Variants in SPMIP7 observed in about 807,000 individuals in gnomAD.
SPMIP7 encodes the protein protein SPMIP7.
chr7:50,119,836 C>T, the SPMIP7 span, among the ~76,000 whole-genome samples: 3 of 152,168 alleles, frequency 2.0e-5, no homozygotes, highest in South Asian at 4.1e-4. Flanking sequence ...TGTATGATGT[C>T]GCTGGACTAA....
the SPMIP7 span, among the ~76,000 whole-genome samples, chr7:50,135,599 T>C: frequency 1.3e-5 from 2 of 152,236 alleles, no homozygotes; most frequent in Non-Finnish European, 2.9e-5. Flanking sequence ...AAAGGATCTC[T>C]AAACTACTTT....
At chr7:50,108,871 G>C in the SPMIP7 span, among the ~76,000 whole-genome samples, 1 of 152,146 alleles carries the variant, frequency 6.6e-6, no homozygotes, top group African/African-American at 2.4e-5. Context: ...AGGGGATTGG[G>C]TTGTAAAATG....
At chr7:50,115,029 C>A in the SPMIP7 span, among the ~76,000 whole-genome samples, 3 of 117,842 alleles carry the variant, frequency 2.5e-5, no homozygotes, top group Admixed American at 1.7e-4. Flanking sequence ...GATTCTGTCT[C>A]CAAAAAAAAA....
the SPMIP7 span, among the ~76,000 whole-genome samples, chr7:50,157,049 G>A: frequency 2.0e-5 from 3 of 152,106 alleles, no homozygotes; most frequent in Admixed American, 6.5e-5. Flanking sequence ...CTGGAAGGGG[G>A]ACAAGAGAGA....
the SPMIP7 span, chr7:50,129,939 A>C: frequency 1.7e-6 from 1 of 591,730 alleles, no homozygotes; most frequent in South Asian, 2.3e-5. Context: ...TTGATTGCTA[A>C]AATAAACATT....
the SPMIP7 span, among the ~76,000 whole-genome samples, chr7:50,105,587 A>G: frequency 5.9e-5 from 9 of 152,330 alleles, no homozygotes; most frequent in East Asian, 1.7e-3. Flanking sequence ...AACAAAGGGC[A>G]TGAAACAGAA....
At chr7:50,151,405 C>A in the SPMIP7 span, 3 of 1,367,570 alleles carry the variant, frequency 2.2e-6, no homozygotes, top group Non-Finnish European at 3.0e-6. Flanking sequence ...CACAAATCAT[C>A]ATTTTAATTT....
the SPMIP7 span, among the ~76,000 whole-genome samples, chr7:50,110,272 A>G: frequency 4.4e-4 from 66 of 151,560 alleles, no homozygotes; most frequent in African/African-American, 1.4e-3. Context: ...ATCAATGATA[A>G]TATCTTAAAA....
chr7:50,157,224 A>G, the SPMIP7 span, among the ~76,000 whole-genome samples: 1 of 152,196 alleles, frequency 6.6e-6, no homozygotes, highest in Non-Finnish European at 1.5e-5. Context: ...ATTTGGAGCA[A>G]AGTGCACAGG....
the SPMIP7 span, among the ~76,000 whole-genome samples, chr7:50,098,006 C>T: frequency 3.6e-3 from 553 of 152,146 alleles, 3 homozygotes; most frequent in African/African-American, 0.013. Flanking sequence ...ATAATTTGTC[C>T]TAGGCTTTCA....
At chr7:50,126,175 A>G in the SPMIP7 span, among the ~76,000 whole-genome samples, 1 of 152,032 alleles carries the variant, frequency 6.6e-6, no homozygotes, top group African/African-American at 2.4e-5. Flanking sequence ...AAAGTGATAG[A>G]CCTATTGTTA....
At chr7:50,153,514 A>G in the SPMIP7 span, among the ~76,000 whole-genome samples, 1 of 152,358 alleles carries the variant, frequency 6.6e-6, no homozygotes, top group South Asian at 2.1e-4. Flanking sequence ...TCTCAATGAG[A>G]AATAAACAAT....
chr7:50,137,164 A>G, the SPMIP7 span, among the ~76,000 whole-genome samples: 4 of 152,102 alleles, frequency 2.6e-5, no homozygotes, highest in Admixed American at 2.6e-4. Flanking sequence ...GCAACTTTAT[A>G]TTTTTGTTCA....
chr7:50,149,225 T>C, the SPMIP7 span, among the ~76,000 whole-genome samples: 1 of 152,156 alleles, frequency 6.6e-6, no homozygotes, highest in Non-Finnish European at 1.5e-5. Context: ...GCAGCACCAT[T>C]GGGAACCTCT....
chr7:50,140,210 A>T, the SPMIP7 span: 92 of 1,411,348 alleles, frequency 6.5e-5, no homozygotes, highest in African/African-American at 1.3e-3. Context: ...TCTTGTAAAA[A>T]AATTTTAGAT....
At chr7:50,117,620 T>C in the SPMIP7 span, among the ~76,000 whole-genome samples, 13 of 152,318 alleles carry the variant, frequency 8.5e-5, no homozygotes, top group Non-Finnish European at 1.3e-4. Context: ...TGGCTCCTCA[T>C]GTTCATATGT....
At chr7:50,100,864 G>GT in the SPMIP7 span, among the ~76,000 whole-genome samples, 2 of 78,348 alleles carry the variant, frequency 2.6e-5, no homozygotes, top group Non-Finnish European at 6.2e-5. Flanking sequence ...AAATAAAATC[G>GT]TTTTTCTCAA....
At chr7:50,120,446 C>A in the SPMIP7 span, 1 of 152,370 alleles carries the variant, frequency 6.6e-6, no homozygotes, top group Non-Finnish European at 1.5e-5. Flanking sequence ...CTTAATGGAA[C>A]ACTGTACGGT....
chr7:50,126,437 C>A, the SPMIP7 span, among the ~76,000 whole-genome samples: 1 of 151,260 alleles, frequency 6.6e-6, no homozygotes, highest in African/African-American at 2.4e-5. Flanking sequence ...GATAGTTTTA[C>A]TGATAAATGT....
Sources: gnomAD v4.1 joint callset for allele counts (sites outside exome capture counted in the v4.1 genomes callset) on GRCh38, gnomAD v4.1.1 for gene constraint, MANE v1.5 for transcripts, NCBI Gene and HGNC (gene_info 2026-07-23, HGNC 2026-07-21) for gene names.